The following CASQ2 variants were observed in gnomAD, a reference collection of about 807,000 sequenced individuals.
CASQ2 encodes the protein calsequestrin 2.
A neutral mutation model predicts 46.5 loss-of-function variants in CASQ2; 49 were observed. The ratio of observed to expected loss-of-function variants is 1.05; its 90% CI spans 0.84 to 1.34. The LOEUF (loss-of-function observed/expected upper bound fraction) is 1.34, where lower values mean the gene tolerates loss of function less well. Among genes scored for constraint, CASQ2 ranks in the 40% most tolerant of loss-of-function variants. The pLI, the probability that CASQ2 is intolerant of heterozygous loss-of-function variation, is 0.00. For synonymous variants in CASQ2, 174 were observed against 168.5 expected, an observed-to-expected ratio of 1.03 and a Z score of -0.25; for missense variants, 486 against 481.3, an observed-to-expected ratio of 1.01 and a Z score of -0.09.
At chr1:115,723,047 C>CA (rs1570812661) in intron 7 of CASQ2, among the ~76,000 whole-genome samples, 3 of 150,688 alleles carry the variant, frequency 2.0e-5, no homozygotes, top group Admixed American at 2.0e-4. Flanking sequence ...GAATCCGTCT[C>CA]AAAAAAAATA....
chr1:115,738,006 G>A (rs1648024103), intron 4 of CASQ2, among the ~76,000 whole-genome samples: 1 of 152,178 alleles, frequency 6.6e-6, no homozygotes, highest in East Asian at 1.9e-4. Flanking sequence ...TTTAAAGCTG[G>A]AGAACCTGGC....
intron 8 of CASQ2, among the ~76,000 whole-genome samples, chr1:115,715,733 G>T (rs1480101942): frequency 1.3e-5 from 2 of 152,074 alleles, no homozygotes; most frequent in African/African-American, 4.8e-5. Flanking sequence ...AAAAAATGTG[G>T]GTTTCACTCT....
rs1366771173 is a variant in CASQ2 at position 115,726,990 on chromosome 1, A to T, written c.737+2T>A. ...CCAGCCCCCACATGCCATCTCAGGC[A>T]CCTTTGGTGTTCCTTCACAAACTCC... is the stretch of plus-strand genomic sequence containing the variant. On this transcript the variant is annotated splice_donor_variant, in intron 6 of 10. Coordinates refer to ENST00000261448, the MANE Select transcript of CASQ2 (RefSeq NM_001232.4). LOFTEE classifies it high-confidence loss of function. 1.4e-6 allele frequency: 2 copies of T among 1,446,568 alleles called. No individual in the cohort carries two copies. Among genetic ancestry groups the T allele is most frequent in the Non-Finnish European group, 1.9e-6 (2 of 1,068,690 alleles). 89.6% of individuals were successfully genotyped at this position (1,446,568 alleles called of 1,614,324 possible).
chr1:115,752,803 G>C (rs1043798236), intron 1 of CASQ2, among the ~76,000 whole-genome samples: 4 of 152,234 alleles, frequency 2.6e-5, no homozygotes, highest in Non-Finnish European at 4.4e-5. Flanking sequence ...TGAGTGCGTA[G>C]AGCAGACAGA....
At chr1:115,750,403 G>T (rs1215031701) in intron 1 of CASQ2, among the ~76,000 whole-genome samples, 1 of 152,204 alleles carries the variant, frequency 6.6e-6, no homozygotes, top group Non-Finnish European at 1.5e-5. Flanking sequence ...CTGGGCATTG[G>T]TCAGTGCTCA....
intron 4 of CASQ2, among the ~76,000 whole-genome samples, chr1:115,736,566 G>T (rs1249730572): frequency 6.6e-6 from 1 of 152,052 alleles, no homozygotes; most frequent in Non-Finnish European, 1.5e-5. Flanking sequence ...GAACCCAGGA[G>T]GCAGAGGTTG....
At chr1:115,727,311 T>C (rs1647629657) in intron 5 of CASQ2, among the ~76,000 whole-genome samples, 189 bp from the exon 6 acceptor site, 1 of 152,044 alleles carries the variant, frequency 6.6e-6, no homozygotes, top group African/African-American at 2.4e-5. Flanking sequence ...TCTTTTGTGA[T>C]CAAAGAAGGA....
At chr1:115,744,769 C>T in intron 2 of CASQ2, 59 bp downstream of exon 2, 2 of 1,143,266 alleles carry the variant, frequency 1.7e-6, no homozygotes, top group South Asian at 1.2e-5. Context: ...CTGTACTTTT[C>T]CTTTTGCAAG....
chr1:115,706,196 G>C (rs921526501), intron 8 of CASQ2, among the ~76,000 whole-genome samples: 2 of 149,274 alleles, frequency 1.3e-5, no homozygotes, highest in East Asian at 3.9e-4. Context: ...GTGTGTGTGC[G>C]TGTGTGTGTG....
intron 1 of CASQ2, among the ~76,000 whole-genome samples, chr1:115,746,205 C>T (rs1476205788): frequency 1.3e-5 from 2 of 150,892 alleles, no homozygotes; most frequent in African/African-American, 4.9e-5. Context: ...ATGAATGTAT[C>T]ATAGTTTGTT....
chr1:115,739,397 G>A (rs943925896), intron 3 of CASQ2, among the ~76,000 whole-genome samples: 3 of 152,018 alleles, frequency 2.0e-5, no homozygotes, highest in South Asian at 2.1e-4. Flanking sequence ...TTACAGGCAT[G>A]AGCCACCACG....
intron 8 of CASQ2, among the ~76,000 whole-genome samples, chr1:115,708,867 G>A (rs1220728484): frequency 6.6e-6 from 1 of 152,198 alleles, no homozygotes; most frequent in African/African-American, 2.4e-5. Context: ...TCACAAAAGT[G>A]TACAGCGTGG....
chr1:115,701,182 C>CT lies in CASQ2; in HGVS notation c.*58dup. 6.2e-7 allele frequency: 1 copy of CT among 1,612,562 alleles called. No individual in the cohort carries two copies. Among genetic ancestry groups the CT allele is most frequent in the South Asian group, 1.1e-5 (1 of 91,004 alleles). On this transcript the variant is annotated 3_prime_UTR_variant, in exon 11 of 11. Transcript: ENST00000261448. ...CAGAATTGCTTGCTGCCACCTTGTG[C>CT]TGTCTGTATGGTAGTGGGTGCTGTG...
intron 4 of CASQ2, among the ~76,000 whole-genome samples, chr1:115,733,677 T>C (rs192650100): frequency 2.0e-5 from 3 of 152,126 alleles, no homozygotes; most frequent in African/African-American, 4.8e-5. Context: ...GGAAAGAGAT[T>C]TGTCCTCAAA....
At position 115,700,267 on chromosome 1, in the gene CASQ2, A is replaced by G. The variant is rs1654166355; in HGVS notation, c.*974T>C. The G allele has an allele frequency of 6.6e-6, 1 of 152,342 alleles. No individual in the cohort carries two copies. The highest frequency in any genetic ancestry group is 2.4e-5 in the African/African-American group (1 of 41,330). The allele number at this position is 152,342 out of a possible 1,614,324, so 9.4% of individuals were successfully genotyped here. On this transcript the variant is annotated 3_prime_UTR_variant, in exon 11 of 11. Coordinates refer to ENST00000261448, the MANE Select transcript of CASQ2 (RefSeq NM_001232.4). ...CCTCAGGGCATCAGTATGAACTCCA[A>G]TTATTGTTGCCCTGGCCAATTGTGG...
chr1:115,731,386 G>C (rs927076751), intron 5 of CASQ2, among the ~76,000 whole-genome samples: 15 of 152,284 alleles, frequency 9.9e-5, no homozygotes, highest in African/African-American at 3.4e-4. Context: ...TCTTACCCAG[G>C]AGCCTCTTTA....
At chr1:115,711,521 G>C (rs1295639244) in intron 8 of CASQ2, among the ~76,000 whole-genome samples, 1 of 151,692 alleles carries the variant, frequency 6.6e-6, no homozygotes, top group Non-Finnish European at 1.5e-5. Context: ...CATGCAGAAG[G>C]TCCTCATAAA....
chr1:115,741,536 A>G (rs1342809698), intron 2 of CASQ2, among the ~76,000 whole-genome samples: 1 of 152,132 alleles, frequency 6.6e-6, no homozygotes, highest in Non-Finnish European at 1.5e-5. Context: ...TGAGGGTAGG[A>G]TCATTGTCTT....
At chr1:115,741,435 A>G (rs887510104) in intron 2 of CASQ2, among the ~76,000 whole-genome samples, 4 of 152,224 alleles carry the variant, frequency 2.6e-5, no homozygotes, top group Admixed American at 6.5e-5. Flanking sequence ...CATTTTTCTT[A>G]AGAAAGGTCA....
Sources: allele counts gnomAD v4.1 joint callset (sites outside exome capture counted in the v4.1 genomes callset), GRCh38; gene constraint gnomAD v4.1.1; transcripts MANE v1.5; gene names NCBI Gene and HGNC (gene_info 2026-07-23, HGNC 2026-07-21).